MYOM1: variants seen among roughly 807,000 people sequenced by gnomAD.
The protein encoded by MYOM1 is myomesin-1.
In MYOM1, 164 loss-of-function variants were observed where a neutral mutation model predicts 205.3. The ratio of observed to expected loss-of-function variants is 0.80; its 90% CI spans 0.70 to 0.91. The LOEUF is 0.91. Ranked by LOEUF, MYOM1 falls within the 40% of genes least tolerant of loss-of-function variation. The probability of loss-of-function intolerance (pLI) is 0.00; values close to 1 mark genes in which losing one functional copy is unlikely to be tolerated. For synonymous variants in MYOM1, 772 were observed against 789.4 expected, an observed-to-expected ratio of 0.98 and a Z score of 0.37; for missense variants, 2,011 against 2,127.3, an observed-to-expected ratio of 0.95 and a Z score of 1.08.
chr18:3,203,503 T>C (rs2081091922), intron 2 of MYOM1, among the ~76,000 whole-genome samples: 1 of 151,792 alleles, frequency 6.6e-6, no homozygotes, highest in African/African-American at 2.4e-5. Flanking sequence ...TGTAGATGCC[T>C]TTATGCCAAC....
rs758497000 is a variant in MYOM1, at chr18:3,173,944, G to A, written c.1168C>T (p.Leu390Phe). 75 of 1,613,256 alleles carry A rather than the reference G, an allele frequency of 4.6e-5. No homozygotes were observed. The Admixed American group carries it at 6.0e-4, about 13-fold the overall frequency. Residue 390 changes from leucine to phenylalanine, a missense_variant, in exon 8 of 38, where the codon CTC becomes TTC. Physicochemically the swap from Leu to Phe is conservative, Grantham distance 22. Transcript: ENST00000356443. ...AATGTGTTTTTAAACTTACAGCTGA[G>A]GGGCATGGTGGAAGCCCCAGCGTGG... ...RFHAGASTMPLSFGVTPYGYA... is the reference protein window; with the variant it reads ...RFHAGASTMPFSFGVTPYGYA...
At chr18:3,136,621 G>T (rs1258084673) in intron 14 of MYOM1, among the ~76,000 whole-genome samples, 1 of 151,684 alleles carries the variant, frequency 6.6e-6, no homozygotes, top group East Asian at 2.0e-4. Context: ...TAGAGACAAG[G>T]TTTCCCCATG....
Position 3,215,135 on chromosome 18 carries a change from T to A in MYOM1, c.89A>T (p.Gln30Leu), listed in dbSNP as rs959971633. Residue 30 changes from glutamine to leucine, a missense_variant, in exon 2 of 38, where the codon CAG becomes CTG. Gln to Leu is a moderately radical substitution (Grantham distance 113, BLOSUM62 -2). Transcript: ENST00000356443. ...GACGGCGGAGCGTTTCTTCTCCCGC[T>A]GGTAGTGACTCACGGTGCTGCGCAC... ...KDVRSTVSHY[Q>L]REKKRSAVYT... The A allele has an allele frequency of 3.1e-6, 5 of 1,613,662 alleles. No individual in the cohort carries two copies. The highest frequency in any genetic ancestry group is 3.3e-5 in the Admixed American group (2 of 59,988).
At chr18:3,174,230 A>T (rs759017592) in intron 6 of MYOM1, 22 bp from the exon 7 acceptor site, 8 of 1,598,720 alleles carry the variant, frequency 5.0e-6, no homozygotes, top group Non-Finnish European at 6.9e-6. Context: ...GACGGAAATG[A>T]ATATCCATCG....
In MYOM1 at chr18:3,086,861, G is replaced by A. The variant is rs184336211; in HGVS notation, c.4138-710C>T. ...AGACTTCCTACAAATCAAGAAAACC[G>A]TCTCAAAGACCCCACTGAATAATGG... On this transcript the variant is annotated intron_variant, in intron 29 of 37. Transcript: ENST00000356443. Among the ~76,000 whole-genome samples, 10 of 152,202 alleles carry A rather than the reference G, an allele frequency of 6.6e-5. 1 individual carries two copies. The highest frequency in any genetic ancestry group is 2.0e-4 in the Admixed American group (3 of 15,280).
chr18:3,152,011 A>T lies in MYOM1; in HGVS notation c.1644-118T>A. ...CTTCTCCCTATAAAATATCCAAGTCAGGCGTGGCTCGCTACCTGGTGAACT... is the reference window on the plus strand; with the variant it reads ...CTTCTCCCTATAAAATATCCAAGTCTGGCGTGGCTCGCTACCTGGTGAACT... On this transcript the variant is annotated intron_variant, in intron 11 of 37. Transcript: ENST00000356443. This position sits in a 1 kb window ranked among gnomAD's most constrained non-coding sequence, Gnocchi z 4.3. 1 of 1,071,002 alleles carries T rather than the reference A, an allele frequency of 9.3e-7. No homozygotes were observed. Among genetic ancestry groups the T allele is most frequent in the Non-Finnish European group, 1.3e-6 (1 of 764,024 alleles). The allele number at this position is 1,071,002 out of a possible 1,614,324, so 66.3% of individuals were successfully genotyped here.
intron 5 of MYOM1, among the ~76,000 whole-genome samples, chr18:3,184,741 A>C (rs2080786695): frequency 6.6e-6 from 1 of 152,250 alleles, no homozygotes. Flanking sequence ...GGGAGAATGT[A>C]CGATAAAGAA....
chr18:3,204,421 CCATATACTAG>C (rs2081106486), intron 2 of MYOM1, among the ~76,000 whole-genome samples: 2 of 151,882 alleles, frequency 1.3e-5, no homozygotes, highest in Admixed American at 6.6e-5. Flanking sequence ...AATTATATTT[CCATATACTAG>C]CAATGAATAA....
the MYOM1 span, among the ~76,000 whole-genome samples, chr18:3,241,625 C>G: frequency 3.3e-5 from 5 of 152,194 alleles, no homozygotes; most frequent in South Asian, 2.1e-4. Context: ...GTGGGAGACC[C>G]AACACAGACT....
At chr18:3,220,153 T>C (rs896545544), upstream of MYOM1, 2 of 152,214 alleles carry the variant, frequency 1.3e-5, no homozygotes, top group African/African-American at 4.8e-5. Flanking sequence ...GGGTTTTTAT[T>C]TGGCAACAAG....
At chr18:3,213,733 G>A (rs1457763596) in intron 2 of MYOM1, among the ~76,000 whole-genome samples, 2 of 152,232 alleles carry the variant, frequency 1.3e-5, no homozygotes, top group Admixed American at 6.5e-5. Flanking sequence ...TGAGCTTGCT[G>A]TTTAAAATTA....
chr18:3,106,379 T>C (rs1194575330), intron 22 of MYOM1, among the ~76,000 whole-genome samples: 5 of 152,220 alleles, frequency 3.3e-5, no homozygotes, highest in Non-Finnish European at 5.9e-5. Context: ...TATTTTTAGG[T>C]TCTAAGCCAC....
At chr18:3,126,574 C>T in intron 19 of MYOM1, 127 bp downstream of exon 19, 1 of 803,462 alleles carries the variant, frequency 1.2e-6, no homozygotes, top group Non-Finnish European at 1.9e-6. Flanking sequence ...ACTCATGCCA[C>T]TGCAGACAAT....
At chr18:3,120,039 G>GTTT (rs367606643) in intron 19 of MYOM1, 44 bp from the exon 20 acceptor site, 5 of 1,153,464 alleles carry the variant, frequency 4.3e-6, no homozygotes, top group South Asian at 1.7e-5. Context: ...TTCCAGGTTT[G>GTTT]TTTTTTTTTT....
intron 2 of MYOM1, among the ~76,000 whole-genome samples, chr18:3,214,453 T>A (rs1213950285): frequency 2.0e-5 from 3 of 152,110 alleles, no homozygotes; most frequent in Admixed American, 1.3e-4. Context: ...GGGAAATAGG[T>A]AGGCACGGGT....
chr18:3,151,916 C>T, intron 11 of MYOM1, 23 bp from the exon 12 acceptor site: 1 of 1,600,094 alleles, frequency 6.2e-7, no homozygotes, highest in Non-Finnish European at 8.5e-7. Context: ...GCGTGATTGA[C>T]AAAAATATTA....
At chr18:3,244,633 G>C in the MYOM1 span, among the ~76,000 whole-genome samples, 1 of 151,898 alleles carries the variant, frequency 6.6e-6, no homozygotes, top group African/African-American at 2.4e-5. Context: ...TCTCATGCCT[G>C]TAATCCAAGC....
At chr18:3,103,632 G>A (rs1173246469) in intron 22 of MYOM1, among the ~76,000 whole-genome samples, 1 of 152,062 alleles carries the variant, frequency 6.6e-6, no homozygotes, top group Non-Finnish European at 1.5e-5. Flanking sequence ...AAGTACAGCT[G>A]TATTTTTTTA....
At chr18:3,085,228 G>T in intron 30 of MYOM1, 96 bp from the exon 31 acceptor site, 1 of 152,308 alleles carries the variant, frequency 6.6e-6, no homozygotes. Flanking sequence ...TGCTGCTGCT[G>T]CTTTTTTTTT....
Sources: gnomAD v4.1 joint callset for allele counts (sites outside exome capture counted in the v4.1 genomes callset) on GRCh38, gnomAD v4.1.1 for gene constraint, Gnocchi (gnomAD v3.1) non-coding constraint, MANE v1.5 for transcripts, NCBI Gene and HGNC (gene_info 2026-07-23, HGNC 2026-07-21) for gene names.